The following ZDHHC17 variants were observed in gnomAD, a reference collection of about 807,000 sequenced individuals.
ZDHHC17 encodes the protein zDHHC palmitoyltransferase 17.
A neutral mutation model predicts 90.3 loss-of-function variants in ZDHHC17; 40 were observed. The observed-to-expected ratio is 0.44, with a 90% CI of 0.34 to 0.58. The LOEUF is 0.58. Ranked by LOEUF, ZDHHC17 falls within the 20% of genes least tolerant of loss-of-function variation. The pLI is 0.01. For missense variants in ZDHHC17, 614 were observed against 780.8 expected, an observed-to-expected ratio of 0.79 and a Z score of 2.55; for synonymous variants, 235 against 252.4, an observed-to-expected ratio of 0.93 and a Z score of 0.65.
chr12:76,764,236 C>G lies in ZDHHC17; in HGVS notation c.-1C>G. The G allele has an allele frequency of 6.3e-7, 1 of 1,597,430 alleles. No individual in the cohort carries two copies. The highest frequency in any genetic ancestry group is 1.1e-5 in the South Asian group (1 of 88,064). On this transcript the variant is annotated 5_prime_UTR_variant, in exon 1 of 17. Coordinates refer to ENST00000426126, the MANE Select transcript of ZDHHC17 (RefSeq NM_015336.4). ...GGGAGGGTGAAACGCTTTCTCCCAG[C>G]ATGCAGCGGGAGGAGGGATTTAACA...
At chr12:76,784,931 G>C (rs1003213240) in intron 1 of ZDHHC17, among the ~76,000 whole-genome samples, 2 of 152,186 alleles carry the variant, frequency 1.3e-5, no homozygotes, top group African/African-American at 4.8e-5. Flanking sequence ...TGACTTTCTG[G>C]AATGCCAAAG....
intron 1 of ZDHHC17, among the ~76,000 whole-genome samples, chr12:76,786,482 C>G (rs1369066188): frequency 6.6e-6 from 1 of 152,050 alleles, no homozygotes; most frequent in African/African-American, 2.4e-5. Flanking sequence ...TCTTGAACTC[C>G]TGAACTCAAG....
rs1953589882 is a variant in ZDHHC17 at position 76,853,640 on chromosome 12, A to G, written c.*2655A>G. 6.6e-6 allele frequency: 1 copy of G among 152,512 alleles called. No homozygotes were observed. The highest frequency in any genetic ancestry group is 2.4e-5 in the African/African-American group (1 of 41,454). The allele number at this position is 152,512 out of a possible 1,614,324, so 9.4% of individuals were successfully genotyped here. On this transcript the variant is annotated 3_prime_UTR_variant, in exon 17 of 17. Coordinates refer to ENST00000426126, the MANE Select transcript of ZDHHC17 (RefSeq NM_015336.4). ...TGTTTAATAAATTAGCCCTCCTTACATAAATTAAATGTCAAAATTTTGTAA... is the reference window on the plus strand; with the variant it reads ...TGTTTAATAAATTAGCCCTCCTTACGTAAATTAAATGTCAAAATTTTGTAA...
intron 2 of ZDHHC17, among the ~76,000 whole-genome samples, chr12:76,801,802 T>C (rs576632778): frequency 1.4e-4 from 21 of 152,214 alleles, no homozygotes; most frequent in Non-Finnish European, 1.9e-4. Flanking sequence ...CAGAACTGCA[T>C]ATGTATACAT....
At chr12:76,827,819 C>T (rs1172818856) in intron 9 of ZDHHC17, among the ~76,000 whole-genome samples, 1 of 152,052 alleles carries the variant, frequency 6.6e-6, no homozygotes, top group Admixed American at 6.6e-5. Context: ...CTAAGACCTC[C>T]TGCCTATATG....
intron 2 of ZDHHC17, among the ~76,000 whole-genome samples, chr12:76,802,106 G>T (rs1275816566): frequency 1.3e-5 from 2 of 152,158 alleles, no homozygotes. Flanking sequence ...CACCTGGCAG[G>T]TCTCCTTTGT....
chr12:76,812,004 A>G (rs1953029938), intron 5 of ZDHHC17, among the ~76,000 whole-genome samples: 1 of 152,172 alleles, frequency 6.6e-6, no homozygotes, highest in Admixed American at 6.6e-5. Context: ...TAAGGTGTAT[A>G]TGAAAGATGA....
chr12:76,770,696 G>A (rs1952481506), intron 1 of ZDHHC17, among the ~76,000 whole-genome samples: 2 of 152,136 alleles, frequency 1.3e-5, no homozygotes, highest in South Asian at 4.1e-4. Context: ...GCGGCACTTT[G>A]GGAGGCTGAG....
intron 2 of ZDHHC17, among the ~76,000 whole-genome samples, chr12:76,800,573 T>C (rs1383520977): frequency 1.3e-5 from 2 of 152,256 alleles, no homozygotes; most frequent in African/African-American, 4.8e-5. Flanking sequence ...ATCTTCTTGC[T>C]GCATTGAACC....
intron 1 of ZDHHC17, among the ~76,000 whole-genome samples, chr12:76,788,077 C>T (rs1247316323): frequency 2.0e-5 from 3 of 152,108 alleles, no homozygotes; most frequent in African/African-American, 7.2e-5. Context: ...CATAGTGAGA[C>T]CCTGTCCCTT....
chr12:76,795,714 G>T (rs543642192), intron 1 of ZDHHC17, among the ~76,000 whole-genome samples: 8 of 152,230 alleles, frequency 5.3e-5, no homozygotes, highest in African/African-American at 1.9e-4. Context: ...AAATGGATAA[G>T]TCTTATGTAT....
intron 7 of ZDHHC17, chr12:76,821,243 AT>A: frequency 1.4e-6 from 1 of 725,882 alleles, no homozygotes; most frequent in Non-Finnish European, 1.9e-6. Context: ...GTAAGGCAAT[AT>A]TTTAAAGTAA....
At chr12:76,849,749 T>G (rs1565812111) in intron 16 of ZDHHC17, 2 of 195,164 alleles carry the variant, frequency 1.0e-5, no homozygotes, top group Admixed American at 1.2e-4. Context: ...ATGAAATATT[T>G]AAAACTTTGA....
intron 8 of ZDHHC17, among the ~76,000 whole-genome samples, chr12:76,823,635 A>G (rs758804609): frequency 1.4e-4 from 21 of 152,198 alleles, no homozygotes; most frequent in Non-Finnish European, 2.9e-4. Flanking sequence ...GGCAATGTTG[A>G]TTATTTAAAG....
At position 76,809,800 on chromosome 12, in the gene ZDHHC17, T is replaced by G; in HGVS notation, c.486T>G (p.His162Gln). The G allele has an allele frequency of 6.2e-7, 1 of 1,610,182 alleles. No homozygotes were observed. Among genetic ancestry groups the G allele is most frequent in the South Asian group, 1.1e-5 (1 of 90,370 alleles). Residue 162 changes from histidine (H) to glutamine (Q), a missense_variant, in exon 5 of 17, where the codon CAT becomes CAG. Coordinates refer to ENST00000426126, the MANE Select transcript of ZDHHC17 (RefSeq NM_015336.4). ...LIDGEGCSCI[H>Q]LAAQFGHTSI... is the part of the protein sequence containing the mutation. Reference sequence around the variant, plus strand: ...ATGGAGAAGGATGTAGCTGTATTCATCTGGCTGCTCAGTTCGGACATACCT... The same window carrying G: ...ATGGAGAAGGATGTAGCTGTATTCAGCTGGCTGCTCAGTTCGGACATACCT...
intron 1 of ZDHHC17, among the ~76,000 whole-genome samples, chr12:76,767,625 A>T (rs764832473): frequency 8.5e-5 from 13 of 152,210 alleles, no homozygotes; most frequent in Non-Finnish European, 1.6e-4. Flanking sequence ...AATACTGGTT[A>T]AGAGCCAAAG....
chr12:76,798,995 G>A (rs1952855186), intron 2 of ZDHHC17, among the ~76,000 whole-genome samples: 2 of 152,168 alleles, frequency 1.3e-5, no homozygotes, highest in Admixed American at 1.3e-4. Flanking sequence ...AACCATGTCA[G>A]GCGTGATGGC....
At chr12:76,835,648 G>A (rs943114890) in intron 10 of ZDHHC17, among the ~76,000 whole-genome samples, 22 of 151,866 alleles carry the variant, frequency 1.4e-4, no homozygotes, top group Middle Eastern at 3.4e-3. Flanking sequence ...GGGGTATTTT[G>A]GATATATGAC....
chr12:76,764,382 TC>T lies in ZDHHC17; in HGVS notation c.93+57del, dbSNP rs1565750486. The stretch of plus-strand genomic sequence containing the variant: ...TGCCCTGCGGCCCTCCAGCCTTTCT[TC>T]CCCGGACTCGCCGAGGGCGGCGGCC... On this transcript the variant is annotated intron_variant, in intron 1 of 16. Coordinates refer to ENST00000426126, the MANE Select transcript of ZDHHC17 (RefSeq NM_015336.4). 16 of 1,504,128 alleles carry T rather than the reference TC, an allele frequency of 1.1e-5. No individual in the cohort carries two copies. The South Asian group carries it at 1.3e-4, about 13-fold the overall frequency. 93.2% of individuals were successfully genotyped at this position (1,504,128 alleles called of 1,614,324 possible).
Sources: gnomAD v4.1 joint callset for allele counts (sites outside exome capture counted in the v4.1 genomes callset) on GRCh38, gnomAD v4.1.1 for gene constraint, MANE v1.5 for transcripts, NCBI Gene and HGNC (gene_info 2026-07-23, HGNC 2026-07-21) for gene names.